LY6G5B: variants seen among roughly 807,000 people sequenced by gnomAD.
LY6G5B encodes the protein lymphocyte antigen 6 family member G5B, also known as lymphocyte antigen 6 complex locus protein G5b.
Under a neutral mutation model 6.7 loss-of-function variants are expected in LY6G5B, and 6 were observed. The observed-to-expected ratio is 0.89, with a 90% CI of 0.49 to 1.76. LY6G5B has a LOEUF of 1.76. LY6G5B is among the 40% of genes most tolerant of loss of function. The pLI, the probability that LY6G5B is intolerant of heterozygous loss-of-function variation, is 0.01. For missense variants in LY6G5B, 240 were observed against 249.5 expected, an observed-to-expected ratio of 0.96 and a Z score of 0.26; for synonymous variants, 98 against 99.4, an observed-to-expected ratio of 0.99 and a Z score of 0.09.
intron 2 of LY6G5B, 131 bp downstream of exon 2, chr6:31,671,415 C>A: frequency 7.5e-7 from 1 of 1,336,996 alleles, no homozygotes; most frequent in Non-Finnish European, 1.0e-6. Context: ...ATGGCTCATG[C>A]CTGTAACCCT....
At chr6:31,670,027 T>C (rs1802077256), upstream of LY6G5B, 5 of 949,438 alleles carry the variant, frequency 5.3e-6, no homozygotes, top group East Asian at 2.7e-5. Flanking sequence ...AAGGAGTCGT[T>C]ATCGTGGTGG....
chr6:31,671,581 C>A (rs1012141769), intron 2 of LY6G5B, among the ~76,000 whole-genome samples: 2 of 152,052 alleles, frequency 1.3e-5, no homozygotes, highest in Admixed American at 6.5e-5. Flanking sequence ...GGTGGGAGAT[C>A]TCTTAAACTC....
At chr6:31,670,899 T>C in exon 1 of LY6G5B, 1 of 1,536,998 alleles carries the variant, frequency 6.5e-7, no homozygotes, top group Non-Finnish European at 8.8e-7. Flanking sequence ...CACAGGAAGG[T>C]GGGGTTTCAG....
At chr6:31,673,331 C>T (rs1018865481) in exon 3 of LY6G5B, 11 of 152,562 alleles carry the variant, frequency 7.2e-5, no homozygotes, top group African/African-American at 2.4e-4. Flanking sequence ...GTGTCCCTGC[C>T]TCACTGTCTC....
chr6:31,671,388 A>G (rs1314802130), intron 2 of LY6G5B, 104 bp downstream of exon 2: 5 of 1,539,690 alleles, frequency 3.2e-6, no homozygotes, highest in Non-Finnish European at 4.4e-6. Flanking sequence ...ACAAGAAGAG[A>G]GGAGGGGCTG....
At chr6:31,672,168 G>A in exon 3 of LY6G5B, 1 of 1,613,126 alleles carries the variant, frequency 6.2e-7, no homozygotes. Flanking sequence ...TGGTCACACT[G>A]TCCCTGAACC....
chr6:31,671,341 C>G, intron 2 of LY6G5B, 57 bp downstream of exon 2: 2 of 1,609,146 alleles, frequency 1.2e-6, no homozygotes, highest in African/African-American at 1.3e-5. Flanking sequence ...TTGGTCTTCT[C>G]TCCTCTCACA....
At chr6:31,671,052 G>A in intron 1 of LY6G5B, 44 bp downstream of exon 1, 1 of 1,609,582 alleles carries the variant, frequency 6.2e-7, no homozygotes, top group Non-Finnish European at 8.5e-7. Context: ...GGGTAACTGA[G>A]TCCAGGAAGG....
exon 1 of LY6G5B, chr6:31,670,865 C>G (rs745593010): frequency 7.0e-7 from 1 of 1,426,890 alleles, no homozygotes; most frequent in Non-Finnish European, 9.5e-7. Flanking sequence ...AACCACCCTG[C>G]AGCTTAGGAT....
chr6:31,670,865 C>T (rs745593010), exon 1 of LY6G5B: 1 of 1,426,766 alleles, frequency 7.0e-7, no homozygotes, highest in Non-Finnish European at 9.5e-7. Flanking sequence ...AACCACCCTG[C>T]AGCTTAGGAT....
chr6:31,672,273 CCCTT>C lies in LY6G5B; in HGVS notation c.601_604del (p.Ser201GlufsTer10). The C allele has an allele frequency of 6.2e-7, 1 of 1,611,808 alleles. No individual in the cohort carries two copies. The highest frequency in any genetic ancestry group is 8.5e-7 in the Non-Finnish European group (1 of 1,179,136). On this transcript the variant is annotated frameshift_variant, in exon 3 of 3. Transcript: ENST00000375864. LOFTEE classifies it high-confidence loss of function. ...CCCAGGCTGGACTCTTGACACCTCACCCTTCCTGAATTCCACAGTGCAAATATCT... is the reference window on the plus strand; with the variant it reads ...CCCAGGCTGGACTCTTGACACCTCACCCTGAATTCCACAGTGCAAATATCT...
exon 1 of LY6G5B, chr6:31,670,926 C>G: frequency 6.3e-7 from 1 of 1,581,894 alleles, no homozygotes; most frequent in Non-Finnish European, 8.6e-7. Flanking sequence ...CCCTCAGGAA[C>G]TGCCCATCTC....
chr6:31,670,036 G>C, upstream of LY6G5B: 1 of 863,538 alleles, frequency 1.2e-6, no homozygotes, highest in Non-Finnish European at 1.7e-6. Flanking sequence ...TTATCGTGGT[G>C]GGAATATGAA....
chr6:31,670,812 T>C lies in LY6G5B; in HGVS notation c.-139T>C. On this transcript the variant is annotated 5_prime_UTR_variant, in exon 1 of 3. Coordinates refer to ENST00000375864, the Ensembl canonical transcript of LY6G5B. The stretch of plus-strand genomic sequence containing the variant: ...GCCAGGATCCTGCCCCAAGTAGGAA[T>C]ATAGCTCTGCATTTACAGCAGCTCC... 11 of 854,894 alleles carry C rather than the reference T, an allele frequency of 1.3e-5. No individual in the cohort carries two copies. The Middle Eastern group carries it at 9.7e-4, about 75-fold the overall frequency. 53.0% of individuals were successfully genotyped at this position (854,894 alleles called of 1,614,324 possible).
chr6:31,671,113 T>G, intron 1 of LY6G5B, 43 bp from the exon 2 acceptor site: 1 of 1,613,402 alleles, frequency 6.2e-7, no homozygotes, highest in South Asian at 1.1e-5. Flanking sequence ...CCAGGGTATT[T>G]GAGAGTGACC....
chr6:31,670,216 G>C, exon 1 of LY6G5B: 1 of 449,654 alleles, frequency 2.2e-6, no homozygotes. Flanking sequence ...TTAGTATGGA[G>C]CAGAACAGAA....
chr6:31,671,162 T>C, exon 2 of LY6G5B: 4 of 1,614,058 alleles, frequency 2.5e-6, no homozygotes, highest in Non-Finnish European at 3.4e-6. Flanking sequence ...CCAGTTCCTG[T>C]TCCCGACATC....
At chr6:31,671,933 A>G (rs974218534) in exon 3 of LY6G5B, 2 of 1,613,080 alleles carry the variant, frequency 1.2e-6, no homozygotes, top group East Asian at 2.2e-5. Context: ...GAAAAACGCA[A>G]CACCTACTTT....
At chr6:31,670,067 A>G (rs1802082215), upstream of LY6G5B, 2 of 734,812 alleles carry the variant, frequency 2.7e-6, no homozygotes, top group South Asian at 3.9e-5. Context: ...AGAAAAGGCC[A>G]TGAGCTAGTC....
Sources: gnomAD v4.1 joint callset for allele counts (sites outside exome capture counted in the v4.1 genomes callset) on GRCh38, gnomAD v4.1.1 for gene constraint, MANE v1.5 for transcripts, NCBI Gene and HGNC (gene_info 2026-07-23, HGNC 2026-07-21) for gene names.